The following SIK3 variants were observed in gnomAD, a reference collection of about 807,000 sequenced individuals.
The protein encoded by SIK3 is serine/threonine-protein kinase SIK3.
A neutral mutation model predicts 144.2 loss-of-function variants in SIK3; 28 were observed. The ratio of observed to expected loss-of-function variants is 0.19; its 90% CI spans 0.14 to 0.27. The LOEUF (loss-of-function observed/expected upper bound fraction) is 0.27, where lower values mean the gene tolerates loss of function less well. Ranked by LOEUF, SIK3 falls within the 10% of genes least tolerant of loss-of-function variation. SIK3 has a pLI of 1.00. For synonymous variants in SIK3, 686 were observed against 676.3 expected (o/e 1.01, Z -0.22); for missense variants, 1,319 against 1,776.0 (o/e 0.74, Z 4.62).
intron 1 of SIK3, among the ~76,000 whole-genome samples, chr11:117,052,149 G>GAAAA (rs896401574): frequency 6.6e-6 from 1 of 151,746 alleles, no homozygotes; most frequent in African/African-American, 2.4e-5. Flanking sequence ...AAAAAAAAGA[G>GAAAA]AAAAAAAGAA....
At chr11:117,015,741 G>C (rs564459378) in intron 1 of SIK3, among the ~76,000 whole-genome samples, 2 of 152,028 alleles carry the variant, frequency 1.3e-5, no homozygotes, top group Non-Finnish European at 2.9e-5. Flanking sequence ...AGCTAATTTT[G>C]TACTTTTAGT....
rs141681523 is a variant in SIK3, at chr11:116,976,560, T to C, written c.274-19496A>G. Reference sequence around the variant, plus strand: ...ATAAGTGTAAGGTTTTATTTCTGAATTCTTGAATCTATCCCATTTATCTGT... The same window carrying C: ...ATAAGTGTAAGGTTTTATTTCTGAACTCTTGAATCTATCCCATTTATCTGT... On this transcript the variant is annotated intron_variant, in intron 1 of 24. Coordinates refer to ENST00000445177, the MANE Select transcript of SIK3 (RefSeq NM_001366686.3). Among the ~76,000 whole-genome samples the C allele has an allele frequency of 5.8e-4, 88 of 152,356 alleles. 1 individual carries two copies. The highest frequency in any genetic ancestry group is 2.0e-3 in the African/African-American group (84 of 41,590).
intron 1 of SIK3, among the ~76,000 whole-genome samples, chr11:117,056,336 G>A (rs1008678952): frequency 7.9e-5 from 12 of 151,948 alleles, no homozygotes; most frequent in African/African-American, 2.7e-4. Context: ...GAGAACACTC[G>A]GACACAGGAA....
intron 1 of SIK3, among the ~76,000 whole-genome samples, chr11:116,992,706 G>A (rs1027605739): frequency 1.3e-5 from 2 of 152,204 alleles, no homozygotes; most frequent in African/African-American, 4.8e-5. Flanking sequence ...ACTAGGTCAG[G>A]AGCAGTAGCT....
chr11:117,073,433 G>C (rs1591654025), intron 1 of SIK3, among the ~76,000 whole-genome samples: 1 of 152,146 alleles, frequency 6.6e-6, no homozygotes, highest in African/African-American at 2.4e-5. Flanking sequence ...GAAAGAACAA[G>C]AGCCCTGGAG....
intron 1 of SIK3, among the ~76,000 whole-genome samples, chr11:117,076,162 C>G (rs1180929881): frequency 6.6e-6 from 1 of 151,814 alleles, no homozygotes. Context: ...TACTGATACT[C>G]GTAAAACTTA....
intron 1 of SIK3, among the ~76,000 whole-genome samples, chr11:117,078,928 TATAAA>T (rs920820423): frequency 1.3e-5 from 2 of 151,874 alleles, no homozygotes; most frequent in African/African-American, 4.8e-5. Context: ...TGCCCAAAGT[TATAAA>T]ATGAGAGTTT....
At chr11:117,023,619 A>ATATATATATATATATAT (rs374740569) in intron 1 of SIK3, among the ~76,000 whole-genome samples, 15 of 99,804 alleles carry the variant, frequency 1.5e-4, no homozygotes, top group African/African-American at 6.5e-4. Context: ...CAAAAAAAAA[A>ATATATATATATATATAT]AAATATATAT....
At chr11:117,059,566 T>A (rs973690762) in intron 1 of SIK3, among the ~76,000 whole-genome samples, 2 of 152,054 alleles carry the variant, frequency 1.3e-5, no homozygotes, top group African/African-American at 4.8e-5. Context: ...ACTAAAGGCA[T>A]AAACAAGCCA....
intron 1 of SIK3, among the ~76,000 whole-genome samples, chr11:116,967,349 G>T (rs1030586198): frequency 2.0e-5 from 3 of 152,152 alleles, no homozygotes; most frequent in African/African-American, 7.2e-5. Context: ...CTCAACTGCC[G>T]TAACATAATT....
At chr11:116,917,823 GAAGGAAGGA>G (rs1294608321) in intron 4 of SIK3, among the ~76,000 whole-genome samples, 3 of 19,624 alleles carry the variant, frequency 1.5e-4, no homozygotes, top group African/African-American at 5.9e-4. Context: ...GAAGGAAGAA[GAAGGAAGGA>G]AAGGAAAGGA....
At chr11:116,996,036 A>ATAATT (rs1950653164) in intron 1 of SIK3, among the ~76,000 whole-genome samples, 2 of 152,148 alleles carry the variant, frequency 1.3e-5, no homozygotes, top group South Asian at 4.1e-4. Context: ...GGCTGGGTGC[A>ATAATT]GTGGTTCATG....
At chr11:117,014,832 G>A (rs747866090) in intron 1 of SIK3, among the ~76,000 whole-genome samples, 6 of 152,188 alleles carry the variant, frequency 3.9e-5, no homozygotes, top group Non-Finnish European at 5.9e-5. Context: ...AGGAGGCCGA[G>A]GCAGGTGAAT....
chr11:117,075,890 C>T (rs1321117318), intron 1 of SIK3, among the ~76,000 whole-genome samples: 1 of 112,874 alleles, frequency 8.9e-6, no homozygotes, highest in African/African-American at 3.7e-5. Flanking sequence ...GCTCTTGTTG[C>T]CCAGGCTGGA....
chr11:117,023,414 A>AT (rs59626113), intron 1 of SIK3, among the ~76,000 whole-genome samples: 88 of 138,664 alleles, frequency 6.3e-4, no homozygotes, highest in Middle Eastern at 7.5e-3. Context: ...ACACCTGATG[A>AT]TTTTTTTTTT....
intron 1 of SIK3, among the ~76,000 whole-genome samples, chr11:117,055,221 T>C (rs1468120798): frequency 6.6e-6 from 1 of 152,224 alleles, no homozygotes; most frequent in East Asian, 1.9e-4. Context: ...AATATTTTTG[T>C]ACGAACTTAA....
At chr11:116,962,557 A>G (rs569883639) in intron 1 of SIK3, among the ~76,000 whole-genome samples, 3 of 152,092 alleles carry the variant, frequency 2.0e-5, no homozygotes, top group Non-Finnish European at 4.4e-5. Flanking sequence ...GCTTTTTTCA[A>G]TGGGGTTATG....
intron 3 of SIK3, among the ~76,000 whole-genome samples, chr11:116,927,750 A>G (rs1947354504): frequency 6.6e-6 from 1 of 152,238 alleles, no homozygotes. Context: ...AGTATCAGAA[A>G]TATTTCCTGT....
intron 1 of SIK3, among the ~76,000 whole-genome samples, chr11:117,094,821 C>T (rs564479368): frequency 6.6e-6 from 1 of 150,874 alleles, no homozygotes; most frequent in East Asian, 1.9e-4. Context: ...TAAGGCTCTT[C>T]CAAAGAAAAG....
Sources: gnomAD v4.1 joint callset for allele counts (sites outside exome capture counted in the v4.1 genomes callset) on GRCh38, gnomAD v4.1.1 for gene constraint, MANE v1.5 for transcripts, NCBI Gene and HGNC (gene_info 2026-07-23, HGNC 2026-07-21) for gene names.